The following PRDM14 variants were observed in gnomAD, a reference collection of about 807,000 sequenced individuals.
The protein encoded by PRDM14 is PR domain zinc finger protein 14.
PRDM14 carries 16 observed loss-of-function variants against 48.0 expected under a neutral mutation model. The observed-to-expected ratio is 0.33, with a 90% CI of 0.23 to 0.51. The LOEUF is 0.51. Ranked by LOEUF, PRDM14 falls within the 20% of genes least tolerant of loss-of-function variation. PRDM14 has a pLI of 0.97. For synonymous variants in PRDM14, 264 were observed against 276.6 expected (o/e 0.95, Z 0.45); for missense variants, 566 against 719.6 (o/e 0.79, Z 2.44).
rs557876018 is a variant in PRDM14, at chr8:70,066,909, T to A, written c.913-404A>T. ...CCTGGCAAATTTTTTTAAAAAAATTTTTTGTAGAGACAGGGCCTCACTCTT... is the reference window on the plus strand; with the variant it reads ...CCTGGCAAATTTTTTTAAAAAAATTATTTGTAGAGACAGGGCCTCACTCTT... On this transcript the variant is annotated intron_variant, in intron 4 of 7. Transcript: ENST00000276594. Among the ~76,000 whole-genome samples the A allele has an allele frequency of 1.5e-4, 23 of 152,156 alleles. No homozygotes were observed. The East Asian group carries it at 2.3e-3, about 15-fold the overall frequency.
chr8:70,057,536 T>C (rs1805496626), intron 6 of PRDM14, among the ~76,000 whole-genome samples: 1 of 152,140 alleles, frequency 6.6e-6, no homozygotes, highest in South Asian at 2.1e-4. Context: ...TTCGCCATGT[T>C]GGCCAGGCTG....
chr8:70,058,397 T>C (rs573900934), intron 6 of PRDM14, among the ~76,000 whole-genome samples: 54 of 152,190 alleles, frequency 3.5e-4, no homozygotes, highest in Non-Finnish European at 7.2e-4. Context: ...CGTGTCCAGG[T>C]GGCCGTGGAC....
chr8:70,058,200 C>A (rs1301587845), intron 6 of PRDM14, among the ~76,000 whole-genome samples: 1 of 152,164 alleles, frequency 6.6e-6, no homozygotes, highest in African/African-American at 2.4e-5. Context: ...TTACCTATAC[C>A]TGTCAACACA....
Position 70,069,261 on chromosome 8 carries a change from C to T in PRDM14, c.600G>A (p.Glu200=). The T allele has an allele frequency of 6.2e-7, 1 of 1,609,376 alleles. No homozygotes were observed. ...KSPARFQFTE[E]DLHFVLYGVT... Reference sequence around the variant, plus strand: ...CCCCGTACAGAACGAAGTGCAGGTCCTCCTCCGTGAACTGGAACCGAGCAG... The same window carrying T: ...CCCCGTACAGAACGAAGTGCAGGTCTTCCTCCGTGAACTGGAACCGAGCAG... Residue 200 remains glutamate, a synonymous_variant, in exon 2 of 8, where the codon GAG becomes GAA. Coordinates refer to ENST00000276594, the MANE Select transcript of PRDM14 (RefSeq NM_024504.4).
At chr8:70,062,593 A>G (rs1470515519) in intron 5 of PRDM14, among the ~76,000 whole-genome samples, 1 of 151,686 alleles carries the variant, frequency 6.6e-6, no homozygotes, top group Non-Finnish European at 1.5e-5. Flanking sequence ...CCTCCTGAGT[A>G]GCTGAGATTA....
At chr8:70,059,466 T>C (rs929719033) in intron 5 of PRDM14, among the ~76,000 whole-genome samples, 1 of 151,658 alleles carries the variant, frequency 6.6e-6, no homozygotes. Context: ...GAGGTGGGGT[T>C]TCACCATCTT....
chr8:70,056,752 G>A lies in PRDM14; in HGVS notation c.1387-1351C>T, dbSNP rs894252440. 2.7e-5 allele frequency among the ~76,000 whole-genome samples: 4 copies of A among 149,142 alleles called. No individual in the cohort carries two copies. In the South Asian group the frequency reaches 8.5e-4, roughly 32 times the overall value. On this transcript the variant is annotated intron_variant, in intron 6 of 7. Transcript: ENST00000276594. ...GGTGATTGTTTGAGCGTAGGAGGTGGAGGTTGCAGTGAGCTGAGATCATGC... is the reference window on the plus strand; with the variant it reads ...GGTGATTGTTTGAGCGTAGGAGGTGAAGGTTGCAGTGAGCTGAGATCATGC...
Position 70,065,715 on chromosome 8 carries a change from T to C in PRDM14, c.1183+520A>G, listed in dbSNP as rs138567932. Reference sequence around the variant, plus strand: ...ACATATACCCATGTGAAATAGAAATTTCACAAAACAATCCTTACTCTTAAG... The same window carrying C: ...ACATATACCCATGTGAAATAGAAATCTCACAAAACAATCCTTACTCTTAAG... On this transcript the variant is annotated intron_variant, in intron 5 of 7. Coordinates refer to ENST00000276594, the MANE Select transcript of PRDM14 (RefSeq NM_024504.4). Among the ~76,000 whole-genome samples, 36 of 152,172 alleles carry C rather than the reference T, an allele frequency of 2.4e-4. 1 individual carries two copies. In the East Asian group the frequency reaches 6.8e-3, roughly 29 times the overall value.
intron 5 of PRDM14, among the ~76,000 whole-genome samples, chr8:70,064,838 A>G (rs1345652131): frequency 1.4e-5 from 2 of 147,170 alleles, no homozygotes; most frequent in Non-Finnish European, 3.0e-5. Flanking sequence ...TTTTTTTTAA[A>G]CCTGCTCCTT....
chr8:70,055,897 G>T (rs1349202273), intron 6 of PRDM14, among the ~76,000 whole-genome samples: 3 of 152,210 alleles, frequency 2.0e-5, no homozygotes, highest in African/African-American at 7.2e-5. Context: ...TCAACAGGTA[G>T]CTGTGTGACT....
At chr8:70,066,847 C>T (rs1805677113) in intron 4 of PRDM14, among the ~76,000 whole-genome samples, 2 of 151,902 alleles carry the variant, frequency 1.3e-5, no homozygotes. Context: ...CACCTTAGCC[C>T]CCTGAGTAGC....
Position 70,069,126 on chromosome 8 carries a change from C to A in PRDM14, c.700+35G>T, listed in dbSNP as rs193177479. The A allele has an allele frequency of 1.8e-4, 262 of 1,441,058 alleles. No individual in the cohort carries two copies. In the African/African-American group the frequency reaches 3.3e-3, roughly 18 times the overall value. 89.3% of individuals were successfully genotyped at this position (1,441,058 alleles called of 1,614,324 possible). On this transcript the variant is annotated intron_variant, in intron 2 of 7. Transcript: ENST00000276594. ...TCCCGTTCCCGCCTGCATTCCCGTCCAATTCGACTCCCAAATGGTGTGAAC... is the reference window on the plus strand; with the variant it reads ...TCCCGTTCCCGCCTGCATTCCCGTCAAATTCGACTCCCAAATGGTGTGAAC...
rs1287925916 is a variant in PRDM14 at position 70,069,283 on chromosome 8, G to A, written c.578C>T (p.Ala193Val). ...GTCCTCCTCCGTGAACTGGAACCGA[G>A]CAGGGGACTTCCCTTCTTGGTTGGA... ...KPSNQEGKSP[A>V]RFQFTEEDLH... Residue 193 changes from alanine to valine, a missense_variant, in exon 2 of 8, where the codon GCT (alanine) becomes GTT (valine). Ala to Val is a moderately conservative substitution (Grantham distance 64, BLOSUM62 0). This residue lies in a region of PRDM14 where 410 missense variants were observed against 424.6 expected (regional missense o/e 0.97). Transcript: ENST00000276594. 6.2e-7 allele frequency: 1 copy of A among 1,611,616 alleles called. No homozygotes were observed. Among genetic ancestry groups the A allele is most frequent in the East Asian group, 2.2e-5 (1 of 44,844 alleles).
At chr8:70,059,623 A>C (rs569877512) in intron 5 of PRDM14, among the ~76,000 whole-genome samples, 5 of 152,272 alleles carry the variant, frequency 3.3e-5, no homozygotes, top group African/African-American at 1.2e-4. Context: ...AACATACCAA[A>C]GTGAAAATAA....
At chr8:70,068,594 G>A (rs1805710570) in intron 2 of PRDM14, 62 bp from the exon 3 acceptor site, 1 of 1,356,126 alleles carries the variant, frequency 7.4e-7, no homozygotes, top group African/African-American at 1.4e-5. Flanking sequence ...GCTTTTATGA[G>A]GTGTTTCCCT....
intron 6 of PRDM14, among the ~76,000 whole-genome samples, chr8:70,057,200 C>T (rs936907999): frequency 2.6e-5 from 4 of 152,034 alleles, no homozygotes; most frequent in Admixed American, 6.6e-5. Flanking sequence ...CTCCTGACCT[C>T]GTGATCCACC....
chr8:70,066,560 T>A (rs79764744), intron 4 of PRDM14, 55 bp from the exon 5 acceptor site: 4 of 1,438,278 alleles, frequency 2.8e-6, no homozygotes, highest in Non-Finnish European at 3.8e-6. Flanking sequence ...GTCTAATCTA[T>A]AAAATAAATT....
chr8:70,068,406 A>C lies in PRDM14; in HGVS notation c.755-19T>G. 1.9e-6 allele frequency: 3 copies of C among 1,614,208 alleles called. No homozygotes were observed. The highest frequency in any genetic ancestry group is 3.3e-4 in the Middle Eastern group (2 of 6,062). On this transcript the variant is annotated intron_variant, in intron 3 of 7. Transcript: ENST00000276594. The stretch of plus-strand genomic sequence containing the variant: ...CATAGACCTAGGGGAAAGCCGAGGC[A>C]GGAAAAGAGAATGAGGAGAGTTGAC...
rs1196729413 is a variant in PRDM14, at chr8:70,071,221, G to A, written c.-96C>T. ...GGACGCTGCGGGGCCACTCGGGCTC[G>A]GTAGGCCACTCGGGCTCGGTAGACT... On this transcript the variant is annotated 5_prime_UTR_variant, in exon 1 of 8. Transcript: ENST00000276594. The surrounding 1 kb of genome is among the most constrained non-coding windows in gnomAD (Gnocchi z 5.2). The A allele has an allele frequency of 6.6e-6, 1 of 152,154 alleles. No homozygotes were observed. The highest frequency in any genetic ancestry group is 2.4e-5 in the African/African-American group (1 of 41,436). 9.4% of individuals were successfully genotyped at this position (152,154 alleles called of 1,614,324 possible). A position where few individuals can be genotyped will look rare whatever the true frequency, so the allele number is the denominator to read the frequency against.
Sources: allele counts gnomAD v4.1 joint callset (sites outside exome capture counted in the v4.1 genomes callset), GRCh38; gene constraint gnomAD v4.1.1; regional missense constraint gnomAD v4.1.1; non-coding constraint Gnocchi (gnomAD v3.1); transcripts MANE v1.5; gene names NCBI Gene and HGNC (gene_info 2026-07-23, HGNC 2026-07-21).